The following RALYL variants were observed in gnomAD, a reference collection of about 807,000 sequenced individuals.
The protein encoded by RALYL is RALY RNA binding protein like.
RALYL carries 29 observed loss-of-function variants against 35.1 expected under a neutral mutation model. The observed-to-expected ratio is 0.83, with a 90% CI of 0.61 to 1.13. RALYL has a LOEUF of 1.13. RALYL is among the 50% of genes most tolerant of loss of function. RALYL has a pLI of 0.00. For synonymous variants in RALYL, 120 were observed against 127.6 expected (o/e 0.94, Z 0.40); for missense variants, 359 against 360.4 (o/e 1.00, Z 0.03).
At chr8:84,832,493 G>C (rs981582328) in intron 4 of RALYL, among the ~76,000 whole-genome samples, 4 of 152,000 alleles carry the variant, frequency 2.6e-5, no homozygotes, top group Non-Finnish European at 5.9e-5. Context: ...TTTGGAAAAA[G>C]TATTGTTTTT....
intron 5 of RALYL, among the ~76,000 whole-genome samples, chr8:84,858,159 T>C (rs1837418252): frequency 1.3e-5 from 2 of 152,114 alleles, no homozygotes; most frequent in African/African-American, 2.4e-5. Context: ...TCAGATATTA[T>C]TTAAAGCATT....
At chr8:84,902,519 A>G (rs1382556095) in intron 8 of RALYL, among the ~76,000 whole-genome samples, 1 of 152,212 alleles carries the variant, frequency 6.6e-6, no homozygotes, top group Non-Finnish European at 1.5e-5. Context: ...TCATTGGAGA[A>G]TGGGCTTAAT....
chr8:84,833,975 T>G lies in RALYL; in HGVS notation c.366-16005T>G, dbSNP rs569233239. On this transcript the variant is annotated intron_variant, in intron 4 of 8. Transcript: ENST00000521268. ...ATTATCATCTGTTTTGACATCATTC[T>G]CCAACATTTTTAAAAGCTAGTCTCC... Among the ~76,000 whole-genome samples, 10 of 151,964 alleles carry G rather than the reference T, an allele frequency of 6.6e-5. No individual in the cohort carries two copies. The South Asian group carries it at 1.0e-3, about 16-fold the overall frequency.
chr8:84,203,275 T>C (rs1455048712), intron 1 of RALYL, among the ~76,000 whole-genome samples: 4 of 150,196 alleles, frequency 2.7e-5, no homozygotes, highest in African/African-American at 1.0e-4. Flanking sequence ...CTTCTTTTCT[T>C]TCTTTCTTTT....
intron 1 of RALYL, among the ~76,000 whole-genome samples, chr8:84,364,746 A>T (rs527486404): frequency 3.5e-4 from 53 of 152,258 alleles, no homozygotes; most frequent in African/African-American, 1.3e-3. Flanking sequence ...ACTGTTTAGG[A>T]GAGTATATTC....
At chr8:84,503,455 C>T (rs1160244452) in intron 1 of RALYL, among the ~76,000 whole-genome samples, 1 of 151,586 alleles carries the variant, frequency 6.6e-6, no homozygotes, top group Non-Finnish European at 1.5e-5. Context: ...ACCATTCATA[C>T]CCACTTCACT....
intron 1 of RALYL, among the ~76,000 whole-genome samples, chr8:84,399,968 T>C (rs972243515): frequency 1.3e-5 from 2 of 151,956 alleles, no homozygotes; most frequent in African/African-American, 4.8e-5. Flanking sequence ...AATAGAAAAA[T>C]TTGCCAGGCA....
intron 1 of RALYL, among the ~76,000 whole-genome samples, chr8:84,526,772 C>T (rs965364285): frequency 2.6e-5 from 4 of 152,168 alleles, no homozygotes; most frequent in Admixed American, 6.5e-5. Context: ...CCCCACTCCA[C>T]GGACACTGCT....
chr8:84,506,862 A>G (rs1463124564), intron 1 of RALYL, among the ~76,000 whole-genome samples: 1 of 152,050 alleles, frequency 6.6e-6, no homozygotes, highest in African/African-American at 2.4e-5. Context: ...TCCAGATAAC[A>G]GATATTTTGC....
chr8:84,873,326 A>G lies in RALYL; in HGVS notation c.614A>G (p.Gln205Arg), dbSNP rs1331341345. The G allele has an allele frequency of 6.2e-7, 1 of 1,601,950 alleles. No individual in the cohort carries two copies. Among genetic ancestry groups the G allele is most frequent in the East Asian group, 2.2e-5 (1 of 44,450 alleles). ...CAGACCATCAAGAAAGAATTAACCCAGATCAAAACTAAAATTGACTCCTTG... is the reference window on the plus strand; with the variant it reads ...CAGACCATCAAGAAAGAATTAACCCGGATCAAAACTAAAATTGACTCCTTG... ...ELQTIKKELT[Q>R]IKTKIDSLLG... Residue 205 changes from glutamine (Q) to arginine (R), a missense_variant, in exon 7 of 9, where the codon CAG becomes CGG. Physicochemically the swap from Gln to Arg is conservative, Grantham distance 43. Coordinates refer to ENST00000521268, the MANE Select transcript of RALYL (RefSeq NM_173848.7).
At chr8:84,752,300 C>T (rs1462019302) in intron 2 of RALYL, among the ~76,000 whole-genome samples, 1 of 152,170 alleles carries the variant, frequency 6.6e-6, no homozygotes, top group Non-Finnish European at 1.5e-5. Context: ...ACAAAGCATT[C>T]ACAGTGACCT....
intron 1 of RALYL, among the ~76,000 whole-genome samples, chr8:84,390,249 T>C (rs1263401827): frequency 1.3e-5 from 2 of 152,144 alleles, no homozygotes; most frequent in Non-Finnish European, 2.9e-5. Context: ...TTTGCCAGTA[T>C]TTTATTGAGG....
chr8:84,334,025 T>C (rs1307064099), intron 1 of RALYL, among the ~76,000 whole-genome samples: 2 of 152,028 alleles, frequency 1.3e-5, no homozygotes, highest in African/African-American at 4.8e-5. Flanking sequence ...TAGCTGGGAC[T>C]ATGGGTGCAT....
chr8:84,264,663 T>C (rs907556754), intron 1 of RALYL, among the ~76,000 whole-genome samples: 2 of 152,128 alleles, frequency 1.3e-5, no homozygotes, highest in Non-Finnish European at 2.9e-5. Context: ...GTACCTTGGT[T>C]TAGTATACTG....
chr8:84,342,294 AT>A (rs1848973511), intron 1 of RALYL, among the ~76,000 whole-genome samples: 2 of 125,696 alleles, frequency 1.6e-5, no homozygotes, highest in African/African-American at 6.4e-5. Flanking sequence ...ATATATATAT[AT>A]AAAACTCAAA....
At chr8:84,672,079 T>G (rs1486846471) in intron 2 of RALYL, among the ~76,000 whole-genome samples, 2 of 152,232 alleles carry the variant, frequency 1.3e-5, no homozygotes, top group Non-Finnish European at 2.9e-5. Flanking sequence ...AAGTCACATC[T>G]CTAATACTTT....
intron 1 of RALYL, among the ~76,000 whole-genome samples, chr8:84,429,858 A>G (rs906565190): frequency 6.6e-6 from 1 of 152,064 alleles, no homozygotes; most frequent in Non-Finnish European, 1.5e-5. Flanking sequence ...AACAATACCT[A>G]TCCACTATCA....
At chr8:84,275,730 C>T (rs539662815) in intron 1 of RALYL, among the ~76,000 whole-genome samples, 8 of 152,132 alleles carry the variant, frequency 5.3e-5, no homozygotes, top group South Asian at 2.1e-4. Context: ...ACTTTCTACT[C>T]GGTGAGATCA....
chr8:84,193,259 A>T (rs1458254838), intron 1 of RALYL, among the ~76,000 whole-genome samples: 1 of 152,212 alleles, frequency 6.6e-6, no homozygotes, highest in African/African-American at 2.4e-5. Context: ...TAAGGAAAAT[A>T]TGAATGCATC....
Sources: gnomAD v4.1 joint callset for allele counts (sites outside exome capture counted in the v4.1 genomes callset) on GRCh38, gnomAD v4.1.1 for gene constraint, MANE v1.5 for transcripts, NCBI Gene and HGNC (gene_info 2026-07-23, HGNC 2026-07-21) for gene names.